Variants in EYS observed in about 807,000 individuals in gnomAD.
EYS encodes the protein EGF-like photoreceptor maintenance factor.
EYS carries 250 observed loss-of-function variants against 282.1 expected under a neutral mutation model. That is an observed-to-expected ratio of 0.89 (90% CI 0.80 to 0.98). The LOEUF (loss-of-function observed/expected upper bound fraction) is 0.98. Ranked by LOEUF, EYS falls within the 50% of genes least tolerant of loss-of-function variation. The pLI is 0.00. For synonymous variants in EYS, 1,355 were observed against 1,282.9 expected, an observed-to-expected ratio of 1.06 and a Z score of -1.20; for missense variants, 4,016 against 3,709.0, an observed-to-expected ratio of 1.08 and a Z score of -2.15.
At chr6:64,911,962 G>A (rs943048198) in intron 16 of EYS, among the ~76,000 whole-genome samples, 2 of 152,114 alleles carry the variant, frequency 1.3e-5, no homozygotes, top group African/African-American at 4.8e-5. Context: ...AGCTCCAATA[G>A]TATTTTTTGA....
chr6:64,512,369 ATAGG>A (rs1426114872), intron 26 of EYS, among the ~76,000 whole-genome samples: 2 of 152,054 alleles, frequency 1.3e-5, no homozygotes, highest in Non-Finnish European at 2.9e-5. Context: ...AATCTATTTC[ATAGG>A]TAGGCAATAA....
rs1358237912 is a variant in EYS at position 65,295,940 on chromosome 6, G to A, written c.1946C>T (p.Ser649Phe). 6.4e-7 allele frequency: 1 copy of A among 1,550,776 alleles called. No individual in the cohort carries two copies. Among genetic ancestry groups the A allele is most frequent in the African/African-American group, 1.4e-5 (1 of 72,964 alleles). Residue 649 changes from serine to phenylalanine, a missense_variant, in exon 12 of 43, where the codon TCT (serine) becomes TTT (phenylalanine). Ser to Phe is a radical substitution (Grantham distance 155, BLOSUM62 -2). Transcript: ENST00000503581. ...ICEIDTEDCK[S>F]ASCKNGTTST... ...AGTTGTTCCATTTTTGCAGGACGCA[G>A]ATTTGCAGTCTTCAGTATCTATCTC...
chr6:65,068,205 A>G lies in EYS; in HGVS notation c.2024-10478T>C, dbSNP rs1020864835. ...AACATGCATTTAGAGCATCCATGAA[A>G]TCAGTGCATTTCTCATTTTCTCAAC... On this transcript the variant is annotated intron_variant, in intron 12 of 42. Coordinates refer to ENST00000503581, the MANE Select transcript of EYS (RefSeq NM_001142800.2). Among the ~76,000 whole-genome samples the G allele has an allele frequency of 1.2e-4, 19 of 152,124 alleles. 1 individual carries two copies. The highest frequency in any genetic ancestry group is 4.6e-4 in the Admixed American group (7 of 15,244).
chr6:63,987,971 T>G (rs1254522332), intron 34 of EYS, among the ~76,000 whole-genome samples: 2 of 151,664 alleles, frequency 1.3e-5, no homozygotes, highest in Non-Finnish European at 3.0e-5. Flanking sequence ...TTGTTCTTTT[T>G]AAAAGACTGA....
At chr6:65,283,860 T>A (rs1214725924) in intron 12 of EYS, among the ~76,000 whole-genome samples, 4 of 152,180 alleles carry the variant, frequency 2.6e-5, no homozygotes, top group Admixed American at 6.6e-5. Flanking sequence ...GAGCTTTGTA[T>A]ATTAAGTGAA....
At chr6:64,887,155 T>C (rs1767118865) in intron 18 of EYS, among the ~76,000 whole-genome samples, 1 of 151,544 alleles carries the variant, frequency 6.6e-6, no homozygotes, top group South Asian at 2.1e-4. Context: ...CTGGAAACCA[T>C]CATTCTCAGC....
At chr6:65,353,647 A>G in intron 8 of EYS, 30 bp from the exon 9 acceptor site, 1 of 1,591,104 alleles carries the variant, frequency 6.3e-7, no homozygotes, top group Non-Finnish European at 8.6e-7. Flanking sequence ...AAAAATGGTA[A>G]ATTCTTTTTT....
intron 22 of EYS, among the ~76,000 whole-genome samples, chr6:64,771,226 A>G (rs370746364): frequency 3.3e-5 from 5 of 151,664 alleles, no homozygotes; most frequent in Admixed American, 6.6e-5. Flanking sequence ...TTATGTATCT[A>G]TAGCTAGATC....
At chr6:64,048,320 A>T (rs1038876561) in intron 33 of EYS, among the ~76,000 whole-genome samples, 1 of 152,022 alleles carries the variant, frequency 6.6e-6, no homozygotes, top group African/African-American at 2.4e-5. Flanking sequence ...GGTTCTGGAG[A>T]ATTTATTTTG....
intron 10 of EYS, among the ~76,000 whole-genome samples, chr6:65,341,089 A>T (rs1273632391): frequency 6.6e-6 from 1 of 151,222 alleles, no homozygotes; most frequent in Non-Finnish European, 1.5e-5. Flanking sequence ...AGGTGAGTCT[A>T]TAAGAGGAAG....
intron 5 of EYS, among the ~76,000 whole-genome samples, chr6:65,455,439 C>T (rs911956672): frequency 2.6e-5 from 4 of 151,626 alleles, no homozygotes; most frequent in Non-Finnish European, 5.9e-5. Context: ...AAGATAGAAA[C>T]TAAAAACAAT....
At chr6:65,452,840 T>C (rs1398101873) in intron 5 of EYS, among the ~76,000 whole-genome samples, 3 of 152,052 alleles carry the variant, frequency 2.0e-5, no homozygotes, top group Admixed American at 1.3e-4. Context: ...AAGATGTAAA[T>C]TTGTTGAATA....
intron 5 of EYS, among the ~76,000 whole-genome samples, chr6:65,456,285 T>C (rs890785140): frequency 2.0e-5 from 3 of 151,872 alleles, no homozygotes; most frequent in Admixed American, 6.6e-5. Flanking sequence ...ACCCCGTCTC[T>C]ACTAAAAAAT....
At chr6:64,265,622 A>C (rs575760247) in intron 30 of EYS, among the ~76,000 whole-genome samples, 2 of 152,254 alleles carry the variant, frequency 1.3e-5, no homozygotes, top group East Asian at 3.9e-4. Context: ...TGACCAAAGA[A>C]TATATCTCAG....
chr6:63,871,720 T>A (rs1003616511), intron 35 of EYS, among the ~76,000 whole-genome samples: 9 of 152,076 alleles, frequency 5.9e-5, no homozygotes. Context: ...CCCTTTATAA[T>A]CCTTCCTTGT....
intron 35 of EYS, among the ~76,000 whole-genome samples, chr6:63,865,966 C>G (rs1772661871): frequency 6.6e-6 from 1 of 152,116 alleles, no homozygotes; most frequent in Non-Finnish European, 1.5e-5. Flanking sequence ...TGTAAGTAAT[C>G]AGTAATTTAT....
chr6:64,099,563 C>T (rs538583403), intron 31 of EYS, among the ~76,000 whole-genome samples: 1 of 152,134 alleles, frequency 6.6e-6, no homozygotes, highest in South Asian at 2.1e-4. Context: ...GATGATCTTC[C>T]ATGTTGATGA....
At chr6:64,134,076 C>T (rs1168065608) in intron 31 of EYS, among the ~76,000 whole-genome samples, 1 of 151,910 alleles carries the variant, frequency 6.6e-6, no homozygotes, top group Non-Finnish European at 1.5e-5. Flanking sequence ...TAGAGCCTAG[C>T]GTCATGGGGA....
chr6:64,744,439 G>A (rs950311329), intron 22 of EYS, among the ~76,000 whole-genome samples: 55 of 152,102 alleles, frequency 3.6e-4, no homozygotes, highest in Non-Finnish European at 3.1e-4. Context: ...CCAATATTGG[G>A]TTATTCTAGA....
Sources: gnomAD v4.1 joint callset for allele counts (sites outside exome capture counted in the v4.1 genomes callset) on GRCh38, gnomAD v4.1.1 for gene constraint, MANE v1.5 for transcripts, NCBI Gene and HGNC (gene_info 2026-07-23, HGNC 2026-07-21) for gene names.